IFIH1: variants seen among roughly 807,000 people sequenced by gnomAD.
IFIH1 encodes interferon induced with helicase C domain 1.
In IFIH1, 125 loss-of-function variants were observed where a neutral mutation model predicts 107.4. The ratio of observed to expected loss-of-function variants is 1.16; its 90% confidence interval spans 1.01 to 1.35. The LOEUF (loss-of-function observed/expected upper bound fraction) is 1.35, where lower values mean the gene tolerates loss of function less well. Among genes scored for constraint, IFIH1 ranks in the 40% most tolerant of loss-of-function variants. IFIH1 has a pLI of 0.00. For missense variants in IFIH1, 1,333 were observed against 1,213.7 expected, an observed-to-expected ratio of 1.10 and a Z score of -1.46; for synonymous variants, 458 against 413.2, an observed-to-expected ratio of 1.11 and a Z score of -1.31.
chr2:162,298,088 A>G (rs1244081070), intron 3 of IFIH1, among the ~76,000 whole-genome samples: 1 of 152,188 alleles, frequency 6.6e-6, no homozygotes, highest in Non-Finnish European at 1.5e-5. Flanking sequence ...AAGAGGTTGA[A>G]GGCCTTTTTA....
chr2:162,306,350 AAT>A (rs1683280394), intron 3 of IFIH1, among the ~76,000 whole-genome samples: 1 of 152,188 alleles, frequency 6.6e-6, no homozygotes, highest in South Asian at 2.1e-4. Flanking sequence ...AAAAGCAATG[AAT>A]CTATTTTATT....
rs35677292 is a variant in IFIH1, at chr2:162,273,888, G to A, written c.2361C>T (p.Ile787=). 1.9e-4 allele frequency: 313 copies of A among 1,609,120 alleles called. No individual in the cohort carries two copies. Among genetic ancestry groups the A allele is most frequent in the South Asian group, 5.4e-4 (49 of 90,702 alleles). Reference sequence around the variant, plus strand: ...GACCTTCTTCTGCCACTGTGGTAGCGATAAGCAGATTTATTTTTCCAGTGC... The same window carrying A: ...GACCTTCTTCTGCCACTGTGGTAGCAATAAGCAGATTTATTTTTCCAGTGC... ...KFRTGKINLL[I]ATTVAEEGLD... The change falls in exon 12 of 16, where the codon ATC becomes ATT. Residue 787 remains isoleucine, a synonymous_variant. Transcript: ENST00000649979.
At chr2:162,309,644 A>C (rs1683356034) in intron 2 of IFIH1, among the ~76,000 whole-genome samples, 1 of 152,198 alleles carries the variant, frequency 6.6e-6, no homozygotes, top group African/African-American at 2.4e-5. Flanking sequence ...GTCCATCAGT[A>C]GCACCCATGA....
Position 162,282,516 on chromosome 2 carries a change from G to T in IFIH1, c.1156C>A (p.Arg386Ser). 1 of 1,611,510 alleles carries T rather than the reference G, an allele frequency of 6.2e-7. No homozygotes were observed. The highest frequency in any genetic ancestry group is 8.5e-7 in the Non-Finnish European group (1 of 1,178,536). The change falls in exon 6 of 16, where the codon CGT becomes AGT. Residue 386 changes from arginine to serine, a missense_variant. Arg to Ser is a moderately radical substitution (Grantham distance 110). Transcript: ENST00000649979. The part of the protein sequence containing the change: ...EFQPFLKKWY[R>S]VIGLSGDTQL... Reference sequence around the variant, plus strand: ...GTATCACCACTTAATCCAATAACACGATACCATTTCTTCAAAAATGGTTGG... The same window carrying T: ...GTATCACCACTTAATCCAATAACACTATACCATTTCTTCAAAAATGGTTGG...
intron 4 of IFIH1, among the ~76,000 whole-genome samples, chr2:162,290,747 A>T (rs920893651): frequency 2.0e-5 from 3 of 151,910 alleles, no homozygotes; most frequent in Non-Finnish European, 4.4e-5. Context: ...CCCTAAGTTT[A>T]AAAAGAAGCA....
chr2:162,316,341 T>G (rs1683488306), intron 1 of IFIH1, among the ~76,000 whole-genome samples: 2 of 152,180 alleles, frequency 1.3e-5, no homozygotes, highest in Non-Finnish European at 2.9e-5. Context: ...TCTTCCAAAT[T>G]AAGATTCTGC....
intron 2 of IFIH1, among the ~76,000 whole-genome samples, chr2:162,309,493 T>C (rs1683353307): frequency 6.6e-6 from 1 of 152,212 alleles, no homozygotes; most frequent in South Asian, 2.1e-4. Context: ...AGCTCTATGG[T>C]CTGGTTCTGT....
chr2:162,267,262 AT>A lies in IFIH1; in HGVS notation c.3015del (p.Glu1005AspfsTer24). ...TCAAGATTGGGAAATGTGATAGGTA[AT>A]TCTACCCACTTTTTGTATTGTTTCT... is the stretch of plus-strand genomic sequence containing the variant. ...STKKQYKKWV[E>X]LPITFPNLDY... On this transcript the variant is annotated frameshift_variant, in exon 16 of 16. Transcript: ENST00000649979. LOFTEE classifies it high-confidence loss of function. The A allele has an allele frequency of 1.2e-6, 2 of 1,612,032 alleles. No homozygotes were observed. Among genetic ancestry groups the A allele is most frequent in the South Asian group, 2.2e-5 (2 of 90,180 alleles).
chr2:162,302,542 T>C (rs1576235469), intron 3 of IFIH1, among the ~76,000 whole-genome samples: 3 of 152,216 alleles, frequency 2.0e-5, no homozygotes, highest in Admixed American at 2.0e-4. Flanking sequence ...AAATGCATAT[T>C]AGAAGCTATG....
chr2:162,304,338 C>T (rs1488154199), intron 3 of IFIH1, among the ~76,000 whole-genome samples: 1 of 151,928 alleles, frequency 6.6e-6, no homozygotes, highest in African/African-American at 2.4e-5. Context: ...GGCGCACGCC[C>T]GTGATGCCAG....
chr2:162,298,944 C>A lies in IFIH1; in HGVS notation c.770-5276G>T, dbSNP rs528783486. Among the ~76,000 whole-genome samples, 3 of 152,068 alleles carry A rather than the reference C, an allele frequency of 2.0e-5. No individual in the cohort carries two copies. The South Asian group carries it at 6.2e-4, about 32-fold the overall frequency. Reference sequence around the variant, plus strand: ...AGCTTCTAGGAAATGAGTTCCCCAACGAGAAAAATCACTCTCCTAGAGCCA... The same window carrying A: ...AGCTTCTAGGAAATGAGTTCCCCAAAGAGAAAAATCACTCTCCTAGAGCCA... On this transcript the variant is annotated intron_variant, in intron 3 of 15. Coordinates refer to ENST00000649979, the MANE Select transcript of IFIH1 (RefSeq NM_022168.4).
At chr2:162,317,070 G>C (rs972568955) in intron 1 of IFIH1, among the ~76,000 whole-genome samples, 1 of 151,072 alleles carries the variant, frequency 6.6e-6, no homozygotes, top group Admixed American at 6.6e-5. Flanking sequence ...TTACCCATTT[G>C]GGCTAAGACT....
Position 162,279,980 on chromosome 2 carries a change from A to T in IFIH1, c.1641+16T>A. On this transcript the variant is annotated intron_variant, in intron 8 of 15. Coordinates refer to ENST00000649979, the MANE Select transcript of IFIH1 (RefSeq NM_022168.4). The stretch of plus-strand genomic sequence containing the variant: ...TAGTATTGTCAATCAATAGATATAA[A>T]ACATTAAGCCCATACTTCTCTGGTT... 1 of 1,324,872 alleles carries T rather than the reference A, an allele frequency of 7.5e-7. No individual in the cohort carries two copies. Among genetic ancestry groups the T allele is most frequent in the Non-Finnish European group, 1.1e-6 (1 of 916,976 alleles). 82.1% of individuals were successfully genotyped at this position (1,324,872 alleles called of 1,614,324 possible).
At chr2:162,286,532 G>A (rs2105207034) in intron 5 of IFIH1, among the ~76,000 whole-genome samples, 1 of 152,064 alleles carries the variant, frequency 6.6e-6, no homozygotes, top group East Asian at 1.9e-4. Context: ...AATAAAGGAA[G>A]TAGATGAATT....
chr2:162,303,587 G>A (rs978516404), intron 3 of IFIH1, among the ~76,000 whole-genome samples: 6 of 151,706 alleles, frequency 4.0e-5, no homozygotes, highest in Non-Finnish European at 8.8e-5. Context: ...AGAAGTGAAA[G>A]GAAGAGAGGG....
Position 162,277,678 on chromosome 2 carries a change from T to C in IFIH1, c.1781A>G (p.Asn594Ser). 6.2e-7 allele frequency: 1 copy of C among 1,603,272 alleles called. No homozygotes were observed. Among genetic ancestry groups the C allele is most frequent in the Non-Finnish European group, 8.5e-7 (1 of 1,175,180 alleles). ...QMEKKAAKEG[N>S]RKERVCAEHL... ...TTCTGCACAAACACGTTCTTTGCGA[T>C]TTCCTTCTTTTGCAGCTGTGAAAAA... Residue 594 changes from asparagine to serine, a missense_variant, in exon 10 of 16, where the codon AAT becomes AGT. Coordinates refer to ENST00000649979, the MANE Select transcript of IFIH1 (RefSeq NM_022168.4).
At position 162,278,239 on chromosome 2, in the gene IFIH1, G is replaced by A. The variant is rs745348970; in HGVS notation, c.1731C>T (p.Pro577=). ...CCATTTGAATGGCCCATTGTTCATA[G>A]GGTTGAGTTCCAAAATCTGACATTG... is the stretch of plus-strand genomic sequence containing the variant. ...MSPMSDFGTQ[P]YEQWAIQMEK... Residue 577 remains proline, a synonymous_variant, in exon 9 of 16, where the codon CCC becomes CCT. Coordinates refer to ENST00000649979, the MANE Select transcript of IFIH1 (RefSeq NM_022168.4). 3 of 1,605,374 alleles carry A rather than the reference G, an allele frequency of 1.9e-6. No individual in the cohort carries two copies. The highest frequency in any genetic ancestry group is 1.7e-6 in the Non-Finnish European group (2 of 1,176,666).
chr2:162,283,661 T>C, intron 5 of IFIH1, among the ~76,000 whole-genome samples: 1 of 152,010 alleles, frequency 6.6e-6, no homozygotes, highest in East Asian at 1.9e-4. Context: ...TCTGTAGGGT[T>C]TGTGTTATTC....
At position 162,267,176 on chromosome 2, in the gene IFIH1, T is replaced by C; in HGVS notation, c.*24A>G. 1 of 1,494,270 alleles carries C rather than the reference T, an allele frequency of 6.7e-7. No individual in the cohort carries two copies. The highest frequency in any genetic ancestry group is 9.1e-7 in the Non-Finnish European group (1 of 1,102,784). The allele number at this position is 1,494,270 out of a possible 1,614,324, so 92.6% of individuals were successfully genotyped here. On this transcript the variant is annotated 3_prime_UTR_variant, in exon 16 of 16. Coordinates refer to ENST00000649979, the MANE Select transcript of IFIH1 (RefSeq NM_022168.4). ...ATATTAAATGTTTAACTGATAGTAT[T>C]TTAAAAGAATCTTCAATCAAGTGCT... is the stretch of plus-strand genomic sequence containing the variant.
Sources: allele counts gnomAD v4.1 joint callset (sites outside exome capture counted in the v4.1 genomes callset), GRCh38; gene constraint gnomAD v4.1.1; transcripts MANE v1.5; gene names NCBI Gene and HGNC (gene_info 2026-07-23, HGNC 2026-07-21).